The following RIMS2 variants were observed in gnomAD, a reference collection of about 807,000 sequenced individuals.
RIMS2 encodes the protein regulating synaptic membrane exocytosis 2, also known as regulating synaptic membrane exocytosis protein 2.
RIMS2 carries 59 observed loss-of-function variants against 174.4 expected under a neutral mutation model. The observed-to-expected ratio is 0.34, with a 90% CI of 0.27 to 0.42. The LOEUF (loss-of-function observed/expected upper bound fraction) is 0.42. RIMS2 is among the 10% of genes least tolerant of loss of function. The pLI is 1.00. For synonymous variants in RIMS2, 606 were observed against 572.5 expected (o/e 1.06, Z -0.84); for missense variants, 1,620 against 1,666.3 (o/e 0.97, Z 0.48).
At chr8:103,607,646 C>A (rs1329171378) in intron 1 of RIMS2, among the ~76,000 whole-genome samples, 1 of 141,326 alleles carries the variant, frequency 7.1e-6, no homozygotes, top group Non-Finnish European at 1.5e-5. Context: ...ACCAATCAGA[C>A]GTAGATTTGG....
At chr8:104,105,003 A>G (rs1288608607) in intron 19 of RIMS2, among the ~76,000 whole-genome samples, 1 of 152,198 alleles carries the variant, frequency 6.6e-6, no homozygotes, top group Non-Finnish European at 1.5e-5. Flanking sequence ...GGAAGAGAAG[A>G]TAAATATGAA....
intron 6 of RIMS2, among the ~76,000 whole-genome samples, chr8:103,912,750 T>G (rs1270541687): frequency 6.6e-6 from 1 of 152,034 alleles, no homozygotes; most frequent in Non-Finnish European, 1.5e-5. Context: ...TACCAGAAAA[T>G]TATTTGGTAA....
chr8:103,628,385 C>A, intron 1 of RIMS2, among the ~76,000 whole-genome samples: 1 of 147,220 alleles, frequency 6.8e-6, no homozygotes, highest in South Asian at 2.1e-4. Flanking sequence ...CAGAATTTCA[C>A]TCCTGTTGCC....
rs183866429 is a variant in RIMS2 at position 104,182,548 on chromosome 8, C to T, written c.3335-62368C>T. On this transcript the variant is annotated intron_variant, in intron 19 of 23. Transcript: ENST00000504942. Reference sequence around the variant, plus strand: ...CCCTCCTCATTTCACCCATTCATCCCTCCTCCCCTCACCTTAATCAACTAC... The same window carrying T: ...CCCTCCTCATTTCACCCATTCATCCTTCCTCCCCTCACCTTAATCAACTAC... 5.9e-5 allele frequency among the ~76,000 whole-genome samples: 9 copies of T among 151,836 alleles called. No individual in the cohort carries two copies. The East Asian group carries it at 1.2e-3, about 20-fold the overall frequency.
intron 2 of RIMS2, among the ~76,000 whole-genome samples, chr8:103,732,094 T>G (rs2097604966): frequency 1.3e-5 from 2 of 152,174 alleles, no homozygotes; most frequent in Admixed American, 6.5e-5. Flanking sequence ...TTTCCATGTA[T>G]TCAAAGGGTC....
intron 1 of RIMS2, among the ~76,000 whole-genome samples, chr8:103,617,489 A>G (rs111707732): frequency 0.012 from 1,767 of 152,296 alleles, 33 homozygotes; most frequent in African/African-American, 0.039. Flanking sequence ...AGCAATCTCA[A>G]CAAAAGCAGA....
At position 104,231,101 on chromosome 8, in the gene RIMS2, T is replaced by C. The variant is rs1025801370; in HGVS notation, c.3335-13815T>C. 3.3e-5 allele frequency among the ~76,000 whole-genome samples: 5 copies of C among 152,202 alleles called. No individual in the cohort carries two copies. The South Asian group carries it at 1.0e-3, about 31-fold the overall frequency. Reference sequence around the variant, plus strand: ...TCCCAACTTTTCTCAGTTCTCGTTTTTCTTTCCCATTCTCGTTGTCACCTT... The same window carrying C: ...TCCCAACTTTTCTCAGTTCTCGTTTCTCTTTCCCATTCTCGTTGTCACCTT... On this transcript the variant is annotated intron_variant, in intron 19 of 23. Coordinates refer to ENST00000504942, the Ensembl canonical transcript of RIMS2.
chr8:103,895,613 TGGC>T (rs2099273329), intron 4 of RIMS2, among the ~76,000 whole-genome samples: 1 of 151,538 alleles, frequency 6.6e-6, no homozygotes, highest in Non-Finnish European at 1.5e-5. Flanking sequence ...ATTTAGTCCG[TGGC>T]AGTCAGTTTC....
At chr8:103,741,473 G>A (rs184228513) in intron 2 of RIMS2, among the ~76,000 whole-genome samples, 1 of 151,794 alleles carries the variant, frequency 6.6e-6, no homozygotes, top group South Asian at 2.1e-4. Context: ...ATTAATTTAG[G>A]TTTTTTTCTC....
intron 1 of RIMS2, among the ~76,000 whole-genome samples, chr8:103,622,613 A>T (rs1028579535): frequency 2.6e-5 from 4 of 152,190 alleles, no homozygotes; most frequent in African/African-American, 7.2e-5. Context: ...ATACATACAG[A>T]TGCACATTCC....
At chr8:103,559,520 C>T in intron 1 of RIMS2, 1 of 225,340 alleles carries the variant, frequency 4.4e-6, no homozygotes, top group Non-Finnish European at 8.7e-6. Context: ...GGACTGAGAA[C>T]AATGCAGAGA....
chr8:104,207,090 A>AG (rs1434010892), intron 19 of RIMS2, among the ~76,000 whole-genome samples: 1 of 152,190 alleles, frequency 6.6e-6, no homozygotes, highest in Non-Finnish European at 1.5e-5. Flanking sequence ...TTAAAAAAAA[A>AG]CAGGCTTCTT....
At chr8:103,942,629 A>C (rs1001371897) in intron 13 of RIMS2, 144 bp from the exon 16 acceptor site, 15 of 534,662 alleles carry the variant, frequency 2.8e-5, no homozygotes, top group African/African-American at 2.5e-4. Flanking sequence ...GAACATATTG[A>C]CAATTTTGCA....
intron 1 of RIMS2, among the ~76,000 whole-genome samples, chr8:103,531,982 T>G (rs1837401383): frequency 6.6e-6 from 1 of 152,232 alleles, no homozygotes; most frequent in Admixed American, 6.5e-5. Flanking sequence ...ATAGTCAATT[T>G]AGGCATGAAT....
At chr8:103,782,433 CGT>C (rs71297237) in intron 3 of RIMS2, among the ~76,000 whole-genome samples, 19,918 of 145,370 alleles carry the variant, frequency 0.14, 1,509 homozygotes, top group Non-Finnish European at 0.19. Context: ...ACATAAATCC[CGT>C]GTGTGTGTGT....
chr8:103,894,726 T>C (rs927837480), intron 4 of RIMS2, among the ~76,000 whole-genome samples: 4 of 151,576 alleles, frequency 2.6e-5, no homozygotes, highest in African/African-American at 9.8e-5. Flanking sequence ...TTATAGTCAA[T>C]TATTATTTTA....
At chr8:104,145,712 A>AATAAATAAATAAATAAATTC (rs1387254641) in intron 19 of RIMS2, among the ~76,000 whole-genome samples, 2 of 151,010 alleles carry the variant, frequency 1.3e-5, no homozygotes, top group African/African-American at 4.9e-5. Context: ...TAAATAAATA[A>AATAAATAAATAAATAAATTC]ATTCGCCGGA....
chr8:103,608,715 CA>C (rs1554676563), intron 1 of RIMS2, among the ~76,000 whole-genome samples: 1 of 152,088 alleles, frequency 6.6e-6, no homozygotes, highest in Non-Finnish European at 1.5e-5. Context: ...TTAAGCCCTT[CA>C]GAAAAGCGCA....
At chr8:104,243,830 C>G (rs1472025285) in intron 19 of RIMS2, among the ~76,000 whole-genome samples, 1 of 152,230 alleles carries the variant, frequency 6.6e-6, no homozygotes, top group African/African-American at 2.4e-5. Context: ...CTATCACCCT[C>G]TTGCTCGAGC....
Sources: gnomAD v4.1 joint callset for allele counts (sites outside exome capture counted in the v4.1 genomes callset) on GRCh38, gnomAD v4.1.1 for gene constraint, MANE v1.5 for transcripts, NCBI Gene and HGNC (gene_info 2026-07-23, HGNC 2026-07-21) for gene names.